Variants in BLM observed in about 807,000 individuals in gnomAD.
The protein encoded by BLM is BLM RecQ like helicase, also known as recQ-like DNA helicase BLM.
BLM carries 95 observed loss-of-function variants against 135.3 expected under a neutral mutation model. That is an observed-to-expected ratio of 0.70 (90% CI 0.59 to 0.83). The LOEUF (loss-of-function observed/expected upper bound fraction) is 0.83, where lower values mean the gene tolerates loss of function less well. BLM is among the 40% of genes least tolerant of loss of function. BLM has a pLI of 0.00. For missense variants in BLM, 1,518 were observed against 1,663.9 expected, an observed-to-expected ratio of 0.91 and a Z score of 1.53; for synonymous variants, 520 against 589.2, an observed-to-expected ratio of 0.88 and a Z score of 1.70.
intron 19 of BLM, among the ~76,000 whole-genome samples, chr15:90,808,542 G>A (rs1044652801): frequency 6.6e-6 from 1 of 152,220 alleles, no homozygotes; most frequent in Non-Finnish European, 1.5e-5. Flanking sequence ...TTAAACAGCA[G>A]CCAGGGTGGC....
At chr15:90,763,852 G>A (rs139327995) in intron 8 of BLM, among the ~76,000 whole-genome samples, 22 of 152,282 alleles carry the variant, frequency 1.4e-4, no homozygotes, top group Admixed American at 4.6e-4. Context: ...AGGGCAGAGC[G>A]CAAGGAGAAT....
Position 90,808,706 on chromosome 15 carries a change from G to GA in BLM, c.3752-431_3752-430insA, listed in dbSNP as rs538339365. The GA allele has an allele frequency of 1.7e-4, 45 of 261,594 alleles. 2 individuals carry two copies. The South Asian group carries it at 1.9e-3, about 11-fold the overall frequency. 16.2% of individuals were successfully genotyped at this position (261,594 alleles called of 1,614,324 possible). On this transcript the variant is annotated intron_variant, in intron 19 of 21. Transcript: ENST00000355112. ...GTAACAATTTGGTTATGCCGTCTAG[G>GA]GTGGGGTGTACAAGTCTGGAGTGCA...
intron 1 of BLM, among the ~76,000 whole-genome samples, chr15:90,747,029 G>A (rs1895519027): frequency 6.6e-6 from 1 of 151,868 alleles, no homozygotes; most frequent in South Asian, 2.1e-4. Flanking sequence ...CTCCCTTCCA[G>A]CTTTCATTTA....
At position 90,750,084 on chromosome 15, in the gene BLM, C is replaced by T. The variant is rs188126287; in HGVS notation, c.799+17C>T. 2 of 1,610,218 alleles carry T rather than the reference C, an allele frequency of 1.2e-6. No individual in the cohort carries two copies. Among genetic ancestry groups the T allele is most frequent in the African/African-American group, 1.3e-5 (1 of 74,962 alleles). ...ATGAAAGAGGTAACAATTATTTTAT[C>T]TTCATTTTAGTATGTTCATTGTACT... On this transcript the variant is annotated intron_variant, in intron 3 of 21. Transcript: ENST00000355112.
intron 1 of BLM, among the ~76,000 whole-genome samples, chr15:90,718,058 G>A (rs1894654928): frequency 6.6e-6 from 1 of 152,264 alleles, no homozygotes; most frequent in Middle Eastern, 3.4e-3. Context: ...CTTGGTTTTC[G>A]TCTGTCATAT....
rs1555419741 is a variant in BLM at position 90,760,268 on chromosome 15, G to C, written c.1209G>C (p.Gln403His). 1 of 1,614,056 alleles carries C rather than the reference G, an allele frequency of 6.2e-7. No individual in the cohort carries two copies. Among genetic ancestry groups the C allele is most frequent in the Non-Finnish European group, 8.5e-7 (1 of 1,180,018 alleles). Residue 403 changes from glutamine to histidine, a missense_variant, in exon 6 of 22, where the codon CAG becomes CAC. By Grantham distance (24) the Gln-to-His change is conservative. Transcript: ENST00000355112. Reference protein sequence around the residue: ...LLDCGNELLQQRNIRRKLLTE... With the variant: ...LLDCGNELLQHRNIRRKLLTE... ...ATTGTGGGAACGAACTGCTTCAGCA[G>C]CGGAACATAAGGTATCTTAATTTTC...
chr15:90,775,945 A>G (rs1896466288), intron 12 of BLM, among the ~76,000 whole-genome samples: 1 of 152,130 alleles, frequency 6.6e-6, no homozygotes, highest in Non-Finnish European at 1.5e-5. Flanking sequence ...CTCCCACCTT[A>G]ATCTTCTAAA....
chr15:90,814,636 A>G (rs1027352403), intron 21 of BLM, among the ~76,000 whole-genome samples: 2 of 152,124 alleles, frequency 1.3e-5, no homozygotes, highest in African/African-American at 4.8e-5. Flanking sequence ...CACCCCATGC[A>G]TGCTCACCCC....
chr15:90,795,375 G>T (rs7177910), intron 16 of BLM, among the ~76,000 whole-genome samples: 146 of 152,286 alleles, frequency 9.6e-4, no homozygotes, highest in African/African-American at 3.2e-3. Context: ...AGCTACTTGG[G>T]AAGCTGAGGC....
intron 14 of BLM, among the ~76,000 whole-genome samples, chr15:90,789,987 G>GTTTTTTTTTTTTTTTT (rs61059865): frequency 1.7e-5 from 1 of 57,378 alleles, no homozygotes; most frequent in African/African-American, 5.3e-5. Flanking sequence ...AGTCCCTGGT[G>GTTTTTTTTTTTTTTTT]TTTTTTTTTT....
chr15:90,718,930 A>T (rs1260480653), intron 1 of BLM, among the ~76,000 whole-genome samples: 4 of 152,092 alleles, frequency 2.6e-5, no homozygotes, highest in Non-Finnish European at 5.9e-5. Context: ...TATTGTTTTG[A>T]TTTTTAAATT....
At chr15:90,718,290 G>T (rs904583864) in intron 1 of BLM, among the ~76,000 whole-genome samples, 1 of 152,214 alleles carries the variant, frequency 6.6e-6, no homozygotes, top group African/African-American at 2.4e-5. Flanking sequence ...GTGATTAAGT[G>T]CTAGAGATAC....
intron 14 of BLM, among the ~76,000 whole-genome samples, chr15:90,789,254 A>C (rs1596255954): frequency 6.6e-6 from 1 of 152,202 alleles, no homozygotes; most frequent in African/African-American, 2.4e-5. Context: ...TTGTGGCTTG[A>C]AGTTTTAAAA....
At chr15:90,765,897 G>A (rs1896112770) in intron 9 of BLM, among the ~76,000 whole-genome samples, 1 of 152,180 alleles carries the variant, frequency 6.6e-6, no homozygotes, top group Non-Finnish European at 1.5e-5. Context: ...AGGATTGCTT[G>A]AGGCCAAGAA....
intron 15 of BLM, among the ~76,000 whole-genome samples, chr15:90,793,509 A>G (rs1275592555): frequency 6.6e-6 from 1 of 152,184 alleles, no homozygotes; most frequent in African/African-American, 2.4e-5. Context: ...TTGGAATCAA[A>G]TCCGACACTG....
In BLM at chr15:90,760,173, C is replaced by A. The variant is rs1480729955; in HGVS notation, c.1114C>A (p.Leu372Ile). The A allele has an allele frequency of 1.9e-6, 3 of 1,611,848 alleles. No homozygotes were observed. Among genetic ancestry groups the A allele is most frequent in the Non-Finnish European group, 2.5e-6 (3 of 1,178,104 alleles). Residue 372 changes from leucine (L) to isoleucine (I), a missense_variant, in exon 6 of 22, where the codon CTT (leucine) becomes ATT (isoleucine). Physicochemically the swap from Leu to Ile is conservative, Grantham distance 5. Coordinates refer to ENST00000355112, the MANE Select transcript of BLM (RefSeq NM_000057.4). ...TAGACAGATAAGTTTACAGCAGCAG[C>A]TTATTCATGTGATGGAGCACATCTG... The part of the protein sequence containing the change: ...DARQISLQQQ[L>I]IHVMEHICKL...
At chr15:90,793,103 G>A (rs980581026) in intron 15 of BLM, among the ~76,000 whole-genome samples, 18 of 150,416 alleles carry the variant, frequency 1.2e-4, no homozygotes, top group African/African-American at 4.1e-4. Context: ...CTCATAAACT[G>A]GAAGAAAAAA....
intron 1 of BLM, among the ~76,000 whole-genome samples, chr15:90,738,247 A>G (rs752067675): frequency 4.1e-4 from 62 of 152,170 alleles, no homozygotes; most frequent in Non-Finnish European, 7.4e-4. Context: ...ATTAAGTCCA[A>G]TTTTCCTCAA....
intron 16 of BLM, 42 bp from the exon 17 acceptor site, chr15:90,798,148 T>C (rs1897074075): frequency 6.5e-7 from 1 of 1,538,376 alleles, no homozygotes; most frequent in Non-Finnish European, 8.9e-7. Context: ...CTAGGCATTG[T>C]TACCTTAATT....
Sources: allele counts gnomAD v4.1 joint callset (sites outside exome capture counted in the v4.1 genomes callset), GRCh38; gene constraint gnomAD v4.1.1; transcripts MANE v1.5; gene names NCBI Gene and HGNC (gene_info 2026-07-23, HGNC 2026-07-21).